KCNH7: variants seen among roughly 807,000 people sequenced by gnomAD.
The protein encoded by KCNH7 is voltage-gated inwardly rectifying potassium channel KCNH7.
In KCNH7, 49 loss-of-function variants were observed where a neutral mutation model predicts 120.8. That is an observed-to-expected ratio of 0.41 (90% CI 0.32 to 0.51). The LOEUF (loss-of-function observed/expected upper bound fraction) is 0.51. Ranked by LOEUF, KCNH7 falls within the 20% of genes least tolerant of loss-of-function variation. KCNH7 has a pLI of 0.38. For synonymous variants in KCNH7, 547 were observed against 516.1 expected, an observed-to-expected ratio of 1.06 and a Z score of -0.81; for missense variants, 1,097 against 1,446.6, an observed-to-expected ratio of 0.76 and a Z score of 3.92.
rs553698561 is a variant in KCNH7, at chr2:162,551,798, G to A, written c.308-14718C>T. Among the ~76,000 whole-genome samples the A allele has an allele frequency of 1.7e-4, 26 of 152,188 alleles. No homozygotes were observed. In the South Asian group the frequency reaches 5.4e-3, roughly 32 times the overall value. On this transcript the variant is annotated intron_variant, in intron 2 of 15. Coordinates refer to ENST00000332142, the MANE Select transcript of KCNH7 (RefSeq NM_033272.4). ...GTAACTTATTATTTTAATGATCCAT[G>A]TGTGGGTCCATTTGATTCCCATAAT...
rs143881602 is a variant in KCNH7 at position 162,394,459 on chromosome 2, C to T, written c.2640G>A (p.Met880Ile). 456 of 1,605,958 alleles carry T rather than the reference C, an allele frequency of 2.8e-4. 2 individuals are homozygous for T. The East Asian group carries it at 8.6e-3, about 30-fold the overall frequency. The change falls in exon 12 of 16, where the codon ATG (methionine) becomes ATA (isoleucine). Residue 880 changes from methionine (M) to isoleucine (I), a missense_variant. By Grantham distance (10) the Met-to-Ile change is conservative. Coordinates refer to ENST00000332142, the MANE Select transcript of KCNH7 (RefSeq NM_033272.4). ...TACAGTTGTCTCCTTCTGAATCATT[C>T]ATGGATTGTGATCGTAGGAGATCAG... The part of the protein sequence containing the change: ...AKADLLRSQS[M>I]NDSEGDNCKL...
intron 2 of KCNH7, among the ~76,000 whole-genome samples, chr2:162,751,545 C>T (rs780109710): frequency 4.0e-5 from 6 of 151,616 alleles, no homozygotes; most frequent in Admixed American, 3.3e-4. Context: ...AAAATATTAT[C>T]TCAAAAATGT....
intron 2 of KCNH7, among the ~76,000 whole-genome samples, chr2:162,733,256 AT>A (rs1338537066): frequency 2.0e-5 from 3 of 152,160 alleles, no homozygotes; most frequent in African/African-American, 7.2e-5. Context: ...CAGATTCTCT[AT>A]TGTCTATATT....
intron 2 of KCNH7, among the ~76,000 whole-genome samples, chr2:162,722,135 G>C (rs1687341682): frequency 6.6e-6 from 1 of 151,920 alleles, no homozygotes; most frequent in Admixed American, 6.6e-5. Flanking sequence ...GAAACATATA[G>C]ACACTTTTTA....
chr2:162,606,605 C>A (rs188925661), intron 2 of KCNH7, among the ~76,000 whole-genome samples: 1 of 152,104 alleles, frequency 6.6e-6, no homozygotes, highest in East Asian at 1.9e-4. Flanking sequence ...ATGTGAAAAT[C>A]CTTCCACCTC....
At position 162,373,643 on chromosome 2, in the gene KCNH7, T is replaced by C; in HGVS notation, c.3151A>G (p.Thr1051Ala). The C allele has an allele frequency of 6.6e-7, 1 of 1,523,048 alleles. No individual in the cohort carries two copies. The highest frequency in any genetic ancestry group is 8.8e-7 in the Non-Finnish European group (1 of 1,133,032). The allele number at this position is 1,523,048 out of a possible 1,614,324, so 94.3% of individuals were successfully genotyped here. The part of the protein sequence containing the change: ...QLNRLESQMT[T>A]DIQTILQLLQ... ...AACTGTAAGATGGTCTGGATGTCAG[T>C]GGTCATTTGGGATTCAAGCCTACAG... The change falls in exon 15 of 16, where the codon ACT becomes GCT. Residue 1051 changes from threonine to alanine, a missense_variant. By Grantham distance (58) the Thr-to-Ala change is moderately conservative (BLOSUM62 0). This residue lies in a region of KCNH7 where 406 missense variants were observed against 410.5 expected (regional missense o/e 0.99). Transcript: ENST00000332142.
intron 2 of KCNH7, among the ~76,000 whole-genome samples, chr2:162,627,429 T>G (rs987339754): frequency 1.3e-5 from 2 of 152,196 alleles, no homozygotes; most frequent in African/African-American, 4.8e-5. Flanking sequence ...TTTTCTTAAA[T>G]AAAATATGTT....
intron 2 of KCNH7, among the ~76,000 whole-genome samples, chr2:162,659,589 C>A (rs965005626): frequency 1.3e-5 from 2 of 152,046 alleles, no homozygotes; most frequent in Non-Finnish European, 2.9e-5. Flanking sequence ...TGATCCAGCC[C>A]AGCTCAACCT....
At chr2:162,724,447 C>T (rs371878894) in intron 2 of KCNH7, among the ~76,000 whole-genome samples, 9 of 151,630 alleles carry the variant, frequency 5.9e-5, no homozygotes, top group South Asian at 2.1e-4. Flanking sequence ...CCGAGGCGGG[C>T]GGATCACGAG....
chr2:162,531,064 A>T (rs967708775), intron 3 of KCNH7, among the ~76,000 whole-genome samples: 2 of 151,920 alleles, frequency 1.3e-5, no homozygotes, highest in Non-Finnish European at 2.9e-5. Context: ...TTTTATCTGC[A>T]TATTTTTACT....
chr2:162,793,135 C>T (rs760981202), intron 2 of KCNH7, among the ~76,000 whole-genome samples: 1 of 151,874 alleles, frequency 6.6e-6, no homozygotes, highest in African/African-American at 2.4e-5. Context: ...AATGAGATCA[C>T]GTACGTTGCA....
At chr2:162,712,130 G>T (rs1237288563) in intron 2 of KCNH7, among the ~76,000 whole-genome samples, 2 of 152,156 alleles carry the variant, frequency 1.3e-5, no homozygotes, top group Admixed American at 1.3e-4. Context: ...TTGAAATGTA[G>T]CATGGTTTTT....
intron 2 of KCNH7, among the ~76,000 whole-genome samples, chr2:162,664,643 A>G (rs1361545666): frequency 6.6e-6 from 1 of 152,184 alleles, no homozygotes; most frequent in Non-Finnish European, 1.5e-5. Context: ...AATATCGTAG[A>G]TTACAATAAT....
At chr2:162,558,616 A>C (rs1317711481) in intron 2 of KCNH7, among the ~76,000 whole-genome samples, 1 of 150,034 alleles carries the variant, frequency 6.7e-6, no homozygotes, top group African/African-American at 2.5e-5. Context: ...GGTAAGTTAC[A>C]TGACCTTTTA....
intron 9 of KCNH7, among the ~76,000 whole-genome samples, chr2:162,415,554 A>G (rs536731742): frequency 6.9e-4 from 105 of 152,288 alleles, no homozygotes; most frequent in Non-Finnish European, 1.1e-3. Flanking sequence ...CTATACTTTA[A>G]TTTGAAAAAA....
chr2:162,482,825 CAA>C (rs1184218314), intron 6 of KCNH7, among the ~76,000 whole-genome samples: 2 of 151,554 alleles, frequency 1.3e-5, no homozygotes, highest in East Asian at 3.9e-4. Context: ...ATAGCTATAC[CAA>C]AAAAAAGTTT....
At chr2:162,724,373 A>T (rs35545645) in intron 2 of KCNH7, among the ~76,000 whole-genome samples, 3,422 of 152,294 alleles carry the variant, frequency 0.022, 72 homozygotes, top group East Asian at 0.12. Context: ...AATAGAATAA[A>T]CATAAGAATA....
At chr2:162,785,732 G>A (rs1255870970) in intron 2 of KCNH7, among the ~76,000 whole-genome samples, 1 of 152,044 alleles carries the variant, frequency 6.6e-6, no homozygotes, top group Non-Finnish European at 1.5e-5. Flanking sequence ...CAGTTGGGGT[G>A]CATTTTTGTT....
At chr2:162,447,229 A>G (rs1446587660) in intron 6 of KCNH7, among the ~76,000 whole-genome samples, 2 of 152,136 alleles carry the variant, frequency 1.3e-5, no homozygotes, top group Admixed American at 6.6e-5. Flanking sequence ...AAGGCATCAG[A>G]TAAACTAAAA....
Sources: allele counts gnomAD v4.1 joint callset (sites outside exome capture counted in the v4.1 genomes callset), GRCh38; gene constraint gnomAD v4.1.1; regional missense constraint gnomAD v4.1.1; transcripts MANE v1.5; gene names NCBI Gene and HGNC (gene_info 2026-07-23, HGNC 2026-07-21).